DAGLB: variants seen among roughly 807,000 people sequenced by gnomAD.
DAGLB encodes diacylglycerol lipase-beta.
DAGLB carries 66 observed loss-of-function variants against 72.1 expected under a neutral mutation model. That is an observed-to-expected ratio of 0.92 (90% CI 0.75 to 1.12). The LOEUF (loss-of-function observed/expected upper bound fraction) is 1.12, where lower values mean the gene tolerates loss of function less well. Among genes scored for constraint, DAGLB ranks in the 50% most tolerant of loss-of-function variants. The pLI, the probability that DAGLB is intolerant of heterozygous loss-of-function variation, is 0.00. For missense variants in DAGLB, 1,065 were observed against 884.9 expected, an observed-to-expected ratio of 1.20 and a Z score of -2.58; for synonymous variants, 414 against 359.5, an observed-to-expected ratio of 1.15 and a Z score of -1.71.
chr7:6,416,506 G>A, intron 11 of DAGLB, 121 bp downstream of exon 11: 3 of 1,439,260 alleles, frequency 2.1e-6, no homozygotes, highest in Non-Finnish European at 1.9e-6. Context: ...TCACGCCACT[G>A]CACTCCAGCC....
At chr7:6,412,549 G>A (rs1783763722) in intron 13 of DAGLB, 4 of 488,422 alleles carry the variant, frequency 8.2e-6, no homozygotes, top group Non-Finnish European at 1.5e-5. Context: ...GCCTCCTGAG[G>A]TGCTGGGATT....
rs144789118 is a variant in DAGLB, at chr7:6,414,039, C to T, written c.1428-1005G>A. Among the ~76,000 whole-genome samples, 33 of 152,290 alleles carry T rather than the reference C, an allele frequency of 2.2e-4. 2 individuals carry two copies. The East Asian group carries it at 6.4e-3, about 29-fold the overall frequency. ...GACTTTTTTGTTTTTGAGATGGAGT[C>T]TCGCTCTGTCTCCCAGGCTGGAGTG... On this transcript the variant is annotated intron_variant, in intron 11 of 14. Coordinates refer to ENST00000297056, the MANE Select transcript of DAGLB (RefSeq NM_139179.4).
chr7:6,433,089 T>TA, intron 4 of DAGLB, 130 bp from the exon 5 acceptor site: 1 of 1,353,280 alleles, frequency 7.4e-7, no homozygotes, highest in African/African-American at 1.5e-5. Flanking sequence ...AGAGGTATGT[T>TA]AAAAAGACTG....
At chr7:6,412,260 A>C (rs2115237627) in intron 13 of DAGLB, among the ~76,000 whole-genome samples, 1 of 152,268 alleles carries the variant, frequency 6.6e-6, no homozygotes, top group East Asian at 1.9e-4. Flanking sequence ...CTTGACGTGG[A>C]CATATATCAC....
In DAGLB at chr7:6,421,760, C is replaced by T; in HGVS notation, c.1185G>A (p.Val395=). The T allele has an allele frequency of 6.2e-7, 1 of 1,613,284 alleles. No individual in the cohort carries two copies. Among genetic ancestry groups the T allele is most frequent in the Non-Finnish European group, 8.5e-7 (1 of 1,179,590 alleles). The part of the protein sequence containing the change: ...DLSAESEVLD[V]ECEVQDRLAH... ...CCAGGCGGTCCTGCACCTCACACTCCACGTCCAGCACCTCACTCTCCGCTG... is the reference window on the plus strand; with the variant it reads ...CCAGGCGGTCCTGCACCTCACACTCTACGTCCAGCACCTCACTCTCCGCTG... Residue 395 remains valine, a synonymous_variant, in exon 9 of 15, where the codon GTG becomes GTA. Transcript: ENST00000297056.
At chr7:6,421,317 C>T (rs1279254248) in intron 9 of DAGLB, among the ~76,000 whole-genome samples, 11 of 130,856 alleles carry the variant, frequency 8.4e-5, no homozygotes, top group Non-Finnish European at 1.4e-4. Flanking sequence ...TCAGGCAGCG[C>T]GGGAGGCGCA....
chr7:6,447,874 G>C lies in DAGLB; in HGVS notation c.-32C>G, dbSNP rs369292449. On this transcript the variant is annotated 5_prime_UTR_variant, in exon 1 of 15. Transcript: ENST00000297056. ...GGTCCCGTAGCTCGCACTCAGGAGAGACCCCGCGCGCCGTTCACCGAGAAC... is the reference window on the plus strand; with the variant it reads ...GGTCCCGTAGCTCGCACTCAGGAGACACCCCGCGCGCCGTTCACCGAGAAC... 3 of 1,578,340 alleles carry C rather than the reference G, an allele frequency of 1.9e-6. No homozygotes were observed. Among genetic ancestry groups the C allele is most frequent in the African/African-American group, 1.4e-5 (1 of 73,694 alleles).
At chr7:6,422,679 A>G (rs2115259146) in intron 8 of DAGLB, 1 of 152,816 alleles carries the variant, frequency 6.5e-6, no homozygotes, top group East Asian at 1.9e-4. Flanking sequence ...GTGGAAGCTC[A>G]ACATTGGGTA....
At chr7:6,413,876 C>A (rs919903854) in intron 11 of DAGLB, among the ~76,000 whole-genome samples, 1 of 152,206 alleles carries the variant, frequency 6.6e-6, no homozygotes, top group South Asian at 2.1e-4. Flanking sequence ...CAGCCACGAC[C>A]AGAGACAGAA....
In DAGLB at chr7:6,410,054, GAC is replaced by G; in HGVS notation, c.1821-21_1821-20del. On this transcript the variant is annotated intron_variant, in intron 14 of 14. Coordinates refer to ENST00000297056, the MANE Select transcript of DAGLB (RefSeq NM_139179.4). The stretch of plus-strand genomic sequence containing the variant: ...GCCAAACCTGAAGCAGAAAAGGAGA[GAC>G]AGCTCCCACGCGGCCCCAGGGCTGA... 2 of 1,608,170 alleles carry G rather than the reference GAC, an allele frequency of 1.2e-6. No homozygotes were observed. Among genetic ancestry groups the G allele is most frequent in the Non-Finnish European group, 1.7e-6 (2 of 1,176,366 alleles).
At chr7:6,423,002 A>T (rs1784181024) in intron 8 of DAGLB, among the ~76,000 whole-genome samples, 1 of 152,242 alleles carries the variant, frequency 6.6e-6, no homozygotes, top group African/African-American at 2.4e-5. Context: ...GGTGGACAGG[A>T]CAATGGACAG....
chr7:6,436,104 G>C (rs1167017529), intron 3 of DAGLB, among the ~76,000 whole-genome samples: 1 of 151,638 alleles, frequency 6.6e-6, no homozygotes, highest in Non-Finnish European at 1.5e-5. Context: ...AAAAAAAAGA[G>C]AGAGAGACAG....
chr7:6,414,082 C>T (rs776506412), intron 11 of DAGLB, among the ~76,000 whole-genome samples: 1 of 152,168 alleles, frequency 6.6e-6, no homozygotes, highest in Non-Finnish European at 1.5e-5. Flanking sequence ...ACAATCTCAG[C>T]TCACTGCAAC....
intron 2 of DAGLB, among the ~76,000 whole-genome samples, chr7:6,443,099 C>T (rs543232790): frequency 2.3e-4 from 34 of 149,092 alleles, no homozygotes; most frequent in Non-Finnish European, 4.7e-4. Flanking sequence ...AGGAGAATGG[C>T]GTGAACCCGG....
At chr7:6,413,115 C>G in intron 11 of DAGLB, 81 bp from the exon 12 acceptor site, 4 of 1,467,434 alleles carry the variant, frequency 2.7e-6, no homozygotes, top group Admixed American at 3.8e-5. Context: ...ATCAGTAACA[C>G]TGAGGGGTTA....
chr7:6,419,490 C>T (rs1009938587), intron 9 of DAGLB, among the ~76,000 whole-genome samples: 1 of 152,242 alleles, frequency 6.6e-6, no homozygotes, highest in African/African-American at 2.4e-5. Context: ...TGCCAAAGCC[C>T]TTTCGGCCAC....
chr7:6,426,089 C>A lies in DAGLB; in HGVS notation c.955G>T (p.Asp319Tyr), dbSNP rs1784302746. 6.2e-7 allele frequency: 1 copy of A among 1,613,876 alleles called. No individual in the cohort carries two copies. Among genetic ancestry groups the A allele is most frequent in the African/African-American group, 1.3e-5 (1 of 75,040 alleles). Residue 319 changes from aspartate to tyrosine, a missense_variant, in exon 7 of 15, where the codon GAC becomes TAC. Transcript: ENST00000297056. ...DCCRSRTTDY[D>Y]LVGGDQLNCH... ...TTGAGCTGATCGCCTCCGACCAAGT[C>A]ATAGTCTGTGGTTCTGCTTCTGCAG... is the stretch of plus-strand genomic sequence containing the variant.
chr7:6,427,484 T>C (rs1197106823), intron 6 of DAGLB, among the ~76,000 whole-genome samples: 2 of 152,126 alleles, frequency 1.3e-5, no homozygotes, highest in Non-Finnish European at 2.9e-5. Flanking sequence ...AAAAGAAATT[T>C]ATTAATTTAA....
intron 4 of DAGLB, among the ~76,000 whole-genome samples, 161 bp downstream of exon 4, chr7:6,434,601 C>A (rs1210943506): frequency 6.6e-6 from 1 of 152,032 alleles, no homozygotes; most frequent in African/African-American, 2.4e-5. Flanking sequence ...GTTAACTGCT[C>A]CCTGGAGGGC....
Sources: allele counts gnomAD v4.1 joint callset (sites outside exome capture counted in the v4.1 genomes callset), GRCh38; gene constraint gnomAD v4.1.1; transcripts MANE v1.5; gene names NCBI Gene and HGNC (gene_info 2026-07-23, HGNC 2026-07-21).